Variants in EMSY observed in about 807,000 individuals in gnomAD.
EMSY encodes the protein BRCA2-interacting transcriptional repressor EMSY.
A neutral mutation model predicts 134.6 loss-of-function variants in EMSY; 26 were observed. That is an observed-to-expected ratio of 0.19 (90% CI 0.14 to 0.27). EMSY has a LOEUF of 0.27. Among genes scored for constraint, EMSY ranks in the 10% least tolerant of loss-of-function variants. EMSY has a pLI of 1.00. For missense variants in EMSY, 1,305 were observed against 1,611.4 expected (o/e 0.81, Z 3.26); for synonymous variants, 579 against 577.8 (o/e 1.00, Z -0.03).
Position 76,544,410 on chromosome 11 carries a change from T to G in EMSY, c.2861T>G (p.Leu954Arg), listed in dbSNP as rs184345272. The G allele has an allele frequency of 8.6e-4, 1,396 of 1,614,060 alleles. 12 individuals are homozygous for G. In the Admixed American group the frequency reaches 0.012, roughly 14 times the overall value. ...TCACAGTCAGCTAAACAGCAGAAAC[T>G]TAGCCAGCCCCCGCTGGAACAGACT... The change falls in exon 19 of 21, where the codon CTT becomes CGT. Residue 954 changes from leucine (L) to arginine (R), a missense_variant. Physicochemically the swap from Leu to Arg is moderately radical, Grantham distance 102. This residue lies in a region of EMSY where 664 missense variants were observed against 763.9 expected (regional missense o/e 0.87). Transcript: ENST00000334736.
intron 8 of EMSY, among the ~76,000 whole-genome samples, chr11:76,492,729 G>C (rs180707461): frequency 6.6e-6 from 1 of 152,126 alleles, no homozygotes; most frequent in Non-Finnish European, 1.5e-5. Flanking sequence ...CAGGAGCCCC[G>C]CCCTCCTGGG....
chr11:76,495,465 A>C (rs1298576665), intron 8 of EMSY, among the ~76,000 whole-genome samples: 1 of 152,148 alleles, frequency 6.6e-6, no homozygotes, highest in Non-Finnish European at 1.5e-5. Flanking sequence ...CAGATGAAAA[A>C]CCTGCGAGAG....
exon 2 of EMSY, chr11:76,446,932 AGCAGCAAT>A (rs1277736022): frequency 6.2e-7 from 1 of 1,612,650 alleles, no homozygotes. Flanking sequence ...ACCAAACAGA[AGCAGCAAT>A]GCCTGTTGTG....
At chr11:76,546,693 T>G (rs1162927359) in intron 20 of EMSY, among the ~76,000 whole-genome samples, 1 of 152,214 alleles carries the variant, frequency 6.6e-6, no homozygotes. Flanking sequence ...GTAACTGGAT[T>G]GCACTTCTAT....
At chr11:76,463,548 G>T (rs966036994) in intron 6 of EMSY, among the ~76,000 whole-genome samples, 1 of 151,622 alleles carries the variant, frequency 6.6e-6, no homozygotes, top group South Asian at 2.1e-4. Flanking sequence ...GCGTGAACCC[G>T]GGAAGCGGAG....
intron 10 of EMSY, among the ~76,000 whole-genome samples, chr11:76,515,640 T>C (rs986593875): frequency 6.6e-6 from 1 of 152,186 alleles, no homozygotes; most frequent in Non-Finnish European, 1.5e-5. Context: ...TGGACGTATA[T>C]TTAGAGGGTA....
chr11:76,512,394 CTATT>C (rs1427476679), intron 9 of EMSY, among the ~76,000 whole-genome samples: 1 of 152,044 alleles, frequency 6.6e-6, no homozygotes, highest in African/African-American at 2.4e-5. Flanking sequence ...AGACATTATT[CTATT>C]TATAGCATTC....
At chr11:76,509,211 C>T (rs1950185826) in intron 9 of EMSY, among the ~76,000 whole-genome samples, 3 of 152,014 alleles carry the variant, frequency 2.0e-5, no homozygotes, top group South Asian at 4.2e-4. Context: ...ACTTACTCGA[C>T]GTGGGGTTGC....
chr11:76,462,163 T>C (rs1948148105), intron 6 of EMSY, among the ~76,000 whole-genome samples: 1 of 152,090 alleles, frequency 6.6e-6, no homozygotes, highest in African/African-American at 2.4e-5. Flanking sequence ...CACTTGAATC[T>C]GGGAGACGGA....
chr11:76,545,917 G>A (rs749860476), exon 20 of EMSY: 2 of 1,614,196 alleles, frequency 1.2e-6, no homozygotes, highest in Non-Finnish European at 1.7e-6. Context: ...GACATCACCA[G>A]TTACAAGCAT....
At chr11:76,509,352 G>A (rs373098777) in intron 9 of EMSY, among the ~76,000 whole-genome samples, 62 of 152,182 alleles carry the variant, frequency 4.1e-4, no homozygotes, top group African/African-American at 1.5e-3. Context: ...AATAAACCAG[G>A]TGTGTTGGTG....
intron 6 of EMSY, among the ~76,000 whole-genome samples, chr11:76,463,438 A>G (rs1037104250): frequency 1.3e-5 from 2 of 151,210 alleles, no homozygotes; most frequent in Middle Eastern, 3.2e-3. Context: ...CCTGGCTAAC[A>G]AGGTGAAACC....
intron 9 of EMSY, chr11:76,496,785 T>C (rs181915648): frequency 2.7e-6 from 1 of 368,026 alleles, no homozygotes; most frequent in East Asian, 7.0e-5. Flanking sequence ...TCAGAGTATT[T>C]ACATAGATTC....
At chr11:76,548,895 C>G (rs1267338703) in intron 20 of EMSY, among the ~76,000 whole-genome samples, 1 of 152,120 alleles carries the variant, frequency 6.6e-6, no homozygotes, top group South Asian at 2.1e-4. Context: ...ATTTATTCAT[C>G]AAGTGTTTAT....
chr11:76,530,796 T>C (rs1951014425), intron 14 of EMSY, among the ~76,000 whole-genome samples: 1 of 152,178 alleles, frequency 6.6e-6, no homozygotes, highest in African/African-American at 2.4e-5. Flanking sequence ...AAGATGTTGG[T>C]TGGTCTCAGG....
chr11:76,471,708 T>A (rs1948574983), intron 7 of EMSY, among the ~76,000 whole-genome samples: 1 of 152,198 alleles, frequency 6.6e-6, no homozygotes, highest in Non-Finnish European at 1.5e-5. Context: ...AGAGAGAAAG[T>A]ACCTTTTTCA....
rs531390470 is a variant in EMSY, at chr11:76,513,674, C to T, written c.1513+139C>T. On this transcript the variant is annotated intron_variant, in intron 10 of 20. Transcript: ENST00000334736. ...AAAGAGGCCTTTCTTGATTCTCACA[C>T]CCCTACTGACTGCCCTGACGTTAAC... 3.8e-4 allele frequency: 301 copies of T among 792,962 alleles called. 2 individuals are homozygous for T. In the African/African-American group the frequency reaches 4.9e-3, roughly 13 times the overall value. The allele number at this position is 792,962 out of a possible 1,614,324, so 49.1% of individuals were successfully genotyped here. A position where few individuals can be genotyped will look rare whatever the true frequency, so the allele number is the denominator to read the frequency against.
At chr11:76,479,521 GT>G (rs1948889575) in intron 8 of EMSY, among the ~76,000 whole-genome samples, 1 of 152,244 alleles carries the variant, frequency 6.6e-6, no homozygotes, top group East Asian at 1.9e-4. Context: ...CACTTACTGT[GT>G]TTTTTTGCTT....
At chr11:76,526,656 A>G (rs1409424863) in intron 13 of EMSY, 21 bp downstream of exon 14, 1 of 1,563,744 alleles carries the variant, frequency 6.4e-7, no homozygotes, top group Non-Finnish European at 8.7e-7. Flanking sequence ...AGATATGATG[A>G]TTTTTCTTGG....
Sources: gnomAD v4.1 joint callset for allele counts (sites outside exome capture counted in the v4.1 genomes callset) on GRCh38, gnomAD v4.1.1 for gene constraint, gnomAD v4.1.1 regional missense constraint, MANE v1.5 for transcripts, NCBI Gene and HGNC (gene_info 2026-07-23, HGNC 2026-07-21) for gene names.